MTRF1: variants seen among roughly 807,000 people sequenced by gnomAD.
MTRF1 encodes the protein peptide chain release factor 1, mitochondrial.
In MTRF1, 51 loss-of-function variants were observed where a neutral mutation model predicts 62.9. The observed-to-expected ratio is 0.81, with a 90% CI of 0.65 to 1.02. The LOEUF is 1.02. Among genes scored for constraint, MTRF1 ranks in the 50% least tolerant of loss-of-function variants. The probability of loss-of-function intolerance (pLI) is 0.00; values close to 1 mark genes in which losing one functional copy is unlikely to be tolerated. For missense variants in MTRF1, 446 were observed against 530.0 expected (o/e 0.84, Z 1.56); for synonymous variants, 158 against 181.9 (o/e 0.87, Z 1.06).
chr13:41,254,279 T>G (rs1452838663), intron 3 of MTRF1, among the ~76,000 whole-genome samples: 1 of 152,218 alleles, frequency 6.6e-6, no homozygotes, highest in African/African-American at 2.4e-5. Context: ...GCACGTATTC[T>G]CTTGCTTAAC....
chr13:41,260,154 A>C (rs963349637), intron 2 of MTRF1, among the ~76,000 whole-genome samples: 2 of 151,778 alleles, frequency 1.3e-5, no homozygotes, highest in Admixed American at 1.3e-4. Flanking sequence ...TGAGCTTATT[A>C]CTTGTAGGTT....
the MTRF1 span, among the ~76,000 whole-genome samples, chr13:41,286,414 C>A: frequency 6.6e-6 from 1 of 152,178 alleles, no homozygotes; most frequent in East Asian, 1.9e-4. Context: ...TGAAGGTGCA[C>A]CATCTCTGTC....
At chr13:41,272,672 C>T in the MTRF1 span, among the ~76,000 whole-genome samples, 5 of 152,122 alleles carry the variant, frequency 3.3e-5, no homozygotes, top group Non-Finnish European at 4.4e-5. Context: ...ACTTACCTAG[C>T]GATGGGTCTC....
At chr13:41,294,319 G>A in the MTRF1 span, among the ~76,000 whole-genome samples, 3 of 151,472 alleles carry the variant, frequency 2.0e-5, no homozygotes, top group African/African-American at 4.9e-5. Flanking sequence ...TAGGGAGGCT[G>A]AGGCAGGAGA....
At chr13:41,288,515 A>G in the MTRF1 span, among the ~76,000 whole-genome samples, 2 of 152,228 alleles carry the variant, frequency 1.3e-5, no homozygotes, top group Non-Finnish European at 1.5e-5. Context: ...CACATGGACA[A>G]TTGGAAAAAG....
chr13:41,273,203 G>A, the MTRF1 span, among the ~76,000 whole-genome samples: 41 of 152,154 alleles, frequency 2.7e-4, no homozygotes, highest in East Asian at 7.8e-3. Flanking sequence ...GTGGGCGCCT[G>A]TAGTCCCAGT....
the MTRF1 span, among the ~76,000 whole-genome samples, chr13:41,307,852 G>T: frequency 1.3e-5 from 2 of 152,204 alleles, no homozygotes; most frequent in Non-Finnish European, 2.9e-5. Flanking sequence ...TAATACAAAA[G>T]GTATGTGTGT....
chr13:41,234,232 T>C (rs1013892813), intron 6 of MTRF1, among the ~76,000 whole-genome samples: 3 of 152,202 alleles, frequency 2.0e-5, no homozygotes, highest in African/African-American at 7.2e-5. Flanking sequence ...GGCTGGAGTA[T>C]AGTGGCACAA....
chr13:41,248,311 G>A (rs1202725463), intron 5 of MTRF1, among the ~76,000 whole-genome samples: 1 of 152,164 alleles, frequency 6.6e-6, no homozygotes, highest in Non-Finnish European at 1.5e-5. Flanking sequence ...TAGTAGAAAC[G>A]GGGTTTTGCC....
chr13:41,278,256 A>G, the MTRF1 span, among the ~76,000 whole-genome samples: 1 of 152,220 alleles, frequency 6.6e-6, no homozygotes, highest in African/African-American at 2.4e-5. Flanking sequence ...GAGGGTGTCC[A>G]GGTTCTTGGC....
intron 1 of MTRF1, chr13:41,261,342 A>G (rs1459823125): frequency 6.6e-6 from 1 of 151,792 alleles, no homozygotes; most frequent in African/African-American, 2.5e-5. Flanking sequence ...CTCAAAAAAA[A>G]AAAAAATTCA....
chr13:41,219,998 CAAAAA>C (rs71086550), intron 9 of MTRF1, among the ~76,000 whole-genome samples: 1 of 70,364 alleles, frequency 1.4e-5, no homozygotes, highest in Admixed American at 2.1e-4. Context: ...ACCTCTGTCT[CAAAAA>C]AAAAAAAAAA....
chr13:41,233,748 A>C lies in MTRF1; in HGVS notation c.988+142T>G, dbSNP rs1424648288. ...CCAAACAGAAGGGAAATATGAACAC[A>C]ATAGCCATCCTGATCCACAACCCCA... On this transcript the variant is annotated intron_variant, in intron 7 of 9. Coordinates refer to ENST00000379480, the MANE Select transcript of MTRF1 (RefSeq NM_004294.4). The C allele has an allele frequency of 1.2e-5, 8 of 689,218 alleles. No homozygotes were observed. In the East Asian group the frequency reaches 2.0e-4, roughly 17 times the overall value. The allele number at this position is 689,218 out of a possible 1,614,324, so 42.7% of individuals were successfully genotyped here.
chr13:41,281,673 C>G, the MTRF1 span, among the ~76,000 whole-genome samples: 1 of 152,150 alleles, frequency 6.6e-6, no homozygotes, highest in Non-Finnish European at 1.5e-5. Context: ...GTTGCAGTAT[C>G]CCCATATCCG....
intron 5 of MTRF1, among the ~76,000 whole-genome samples, chr13:41,243,921 C>T (rs1334119237): frequency 6.6e-6 from 1 of 152,132 alleles, no homozygotes; most frequent in Non-Finnish European, 1.5e-5. Context: ...TGCCATTTGC[C>T]TCCCATTTTT....
At chr13:41,231,036 T>C (rs2035465818) in intron 7 of MTRF1, among the ~76,000 whole-genome samples, 2 of 152,166 alleles carry the variant, frequency 1.3e-5, no homozygotes, top group South Asian at 4.1e-4. Flanking sequence ...CCCACCCCGC[T>C]TTTTTTAAAT....
the MTRF1 span, chr13:41,311,452 CG>C: frequency 7.1e-7 from 1 of 1,417,514 alleles, no homozygotes; most frequent in South Asian, 1.2e-5. Context: ...CGGTTCGTCC[CG>C]GTGCCCACCC....
intron 6 of MTRF1, among the ~76,000 whole-genome samples, chr13:41,237,446 C>G (rs901554039): frequency 6.6e-6 from 1 of 151,476 alleles, no homozygotes; most frequent in Non-Finnish European, 1.5e-5. Flanking sequence ...AATAACATAA[C>G]CACACAGAAA....
rs1327849198 is a variant in MTRF1, at chr13:41,240,444, A to G, written c.698-11T>C. The G allele has an allele frequency of 7.5e-6, 12 of 1,608,630 alleles. No individual in the cohort carries two copies. Among genetic ancestry groups the G allele is most frequent in the African/African-American group, 4.0e-5 (3 of 74,778 alleles). On this transcript the variant is annotated splice_polypyrimidine_tract_variant and intron_variant, in intron 5 of 9. Coordinates refer to ENST00000379480, the MANE Select transcript of MTRF1 (RefSeq NM_004294.4). ...CATGATGTAGTCCACCTAGGGGAACAACAATCCAGAAATAGTAATGAATTA... is the reference window on the plus strand; with the variant it reads ...CATGATGTAGTCCACCTAGGGGAACGACAATCCAGAAATAGTAATGAATTA...
Sources: gnomAD v4.1 joint callset for allele counts (sites outside exome capture counted in the v4.1 genomes callset) on GRCh38, gnomAD v4.1.1 for gene constraint, MANE v1.5 for transcripts, NCBI Gene and HGNC (gene_info 2026-07-23, HGNC 2026-07-21) for gene names.